Variants in PREPL observed in about 807,000 individuals in gnomAD.
PREPL encodes the protein prolyl endopeptidase-like.
A neutral mutation model predicts 70.6 loss-of-function variants in PREPL; 77 were observed. The ratio of observed to expected loss-of-function variants is 1.09; its 90% CI spans 0.91 to 1.32. The LOEUF (loss-of-function observed/expected upper bound fraction) is 1.32. Ranked by LOEUF, PREPL falls within the 40% of genes most tolerant of loss-of-function variation. The pLI, the probability that PREPL is intolerant of heterozygous loss-of-function variation, is 0.00. For synonymous variants in PREPL, 315 were observed against 264.8 expected, an observed-to-expected ratio of 1.19 and a Z score of -1.84; for missense variants, 1,002 against 778.2, an observed-to-expected ratio of 1.29 and a Z score of -3.42.
chr2:44,344,970 A>G (rs1441759666), intron 2 of PREPL, among the ~76,000 whole-genome samples: 1 of 152,214 alleles, frequency 6.6e-6, no homozygotes, highest in Non-Finnish European at 1.5e-5. Flanking sequence ...GATGCAGATG[A>G]GGAAACTGTG....
intron 1 of PREPL, among the ~76,000 whole-genome samples, chr2:44,352,950 G>T (rs1676607974): frequency 6.6e-6 from 1 of 152,162 alleles, no homozygotes. Context: ...ATAAGTGTAA[G>T]AAAAGATGCT....
intron 10 of PREPL, among the ~76,000 whole-genome samples, chr2:44,325,670 G>C (rs370828418): frequency 2.0e-4 from 31 of 152,042 alleles, no homozygotes; most frequent in African/African-American, 7.5e-4. Flanking sequence ...TTATCTTTGT[G>C]CATAGGCTAT....
chr2:44,321,129 G>A lies in PREPL; in HGVS notation c.*227C>T. On this transcript the variant is annotated 3_prime_UTR_variant, in exon 14 of 14. Coordinates refer to ENST00000409411, the MANE Select transcript of PREPL (RefSeq NM_001171613.2). ...CCTCTACTCCACATCCTTCTAAGGA[G>A]CATGATTTGAAAATTACTTTCCTAG... 1 of 510,072 alleles carries A rather than the reference G, an allele frequency of 2.0e-6. No homozygotes were observed. The highest frequency in any genetic ancestry group is 3.5e-6 in the Non-Finnish European group (1 of 281,784). 31.6% of individuals were successfully genotyped at this position (510,072 alleles called of 1,614,324 possible).
Position 44,318,055 on chromosome 2 carries a change from T to C in PREPL, c.*3301A>G. On this transcript the variant is annotated 3_prime_UTR_variant, in exon 14 of 14. Transcript: ENST00000409411. Reference sequence around the variant, plus strand: ...TTCCATTCCTAATACTTAGAAATATTTGCACATGTGCACAATAATACTTAA... The same window carrying C: ...TTCCATTCCTAATACTTAGAAATATCTGCACATGTGCACAATAATACTTAA... 2.3e-6 allele frequency: 1 copy of C among 427,812 alleles called. No individual in the cohort carries two copies. The highest frequency in any genetic ancestry group is 4.6e-6 in the Non-Finnish European group (1 of 216,000). The allele number at this position is 427,812 out of a possible 1,614,324, so 26.5% of individuals were successfully genotyped here. A position where few individuals can be genotyped will look rare whatever the true frequency, so the allele number is the denominator to read the frequency against.
At position 44,332,609 on chromosome 2, in the gene PREPL, T is replaced by C; in HGVS notation, c.936A>G (p.Pro312=). 1 of 1,613,968 alleles carries C rather than the reference T, an allele frequency of 6.2e-7. No homozygotes were observed. The highest frequency in any genetic ancestry group is 8.5e-7 in the Non-Finnish European group (1 of 1,179,844). ...AGCAAAGTTGAAAGGGGCAGTTCTT[T>C]GGGTCAGAATTTGTATCCATTATGA... ...CGFIMDTNSD[P]KNCPFQLCSP... The change falls in exon 8 of 14, where the codon CCA becomes CCG. Residue 312 remains proline, a synonymous_variant. Coordinates refer to ENST00000409411, the MANE Select transcript of PREPL (RefSeq NM_001171613.2).
intron 2 of PREPL, 58 bp downstream of exon 2, chr2:44,346,210 A>G: frequency 6.7e-7 from 1 of 1,482,274 alleles, no homozygotes; most frequent in Non-Finnish European, 9.3e-7. Context: ...CAAGTATCTC[A>G]TTTGCATCTT....
rs140823219 is a variant in PREPL, at chr2:44,343,913, C to T, written c.181G>A (p.Glu61Lys). The change falls in exon 4 of 14, where the codon GAA becomes AAA. Residue 61 changes from glutamate to lysine, a missense_variant. Transcript: ENST00000409411. ...ATGAAGGGCTGGTCTAACTTAAGTT[C>T]CTCCAAATTGAATAAAACTTCATAA... ...DNYEVLFNLE[E>K]LKLDQPFIDC... The T allele has an allele frequency of 6.2e-7, 1 of 1,613,960 alleles. No homozygotes were observed. Among genetic ancestry groups the T allele is most frequent in the Non-Finnish European group, 8.5e-7 (1 of 1,179,934 alleles).
Position 44,321,025 on chromosome 2 carries a change from G to C in PREPL, c.*331C>G. 1 of 387,284 alleles carries C rather than the reference G, an allele frequency of 2.6e-6. No homozygotes were observed. Among genetic ancestry groups the C allele is most frequent in the Non-Finnish European group, 4.7e-6 (1 of 211,552 alleles). The allele number at this position is 387,284 out of a possible 1,614,324, so 24.0% of individuals were successfully genotyped here. A position where few individuals can be genotyped will look rare whatever the true frequency, so the allele number is the denominator to read the frequency against. The stretch of plus-strand genomic sequence containing the variant: ...AAAAGCATTTGCTAGCAAAGAGGCA[G>C]GACACTAATTTGTAAACTGCTCAAC... On this transcript the variant is annotated 3_prime_UTR_variant, in exon 14 of 14. Transcript: ENST00000409411.
chr2:44,350,757 A>G (rs917892719), intron 1 of PREPL, among the ~76,000 whole-genome samples: 17 of 152,114 alleles, frequency 1.1e-4, no homozygotes, highest in African/African-American at 3.6e-4. Context: ...AGGTCACTCA[A>G]TGGCTACCAC....
chr2:44,318,110 T>G lies in PREPL; in HGVS notation c.*3246A>C, dbSNP rs1672585629. ...TCTCAACACTGTTTTTTTTTTTTTT[T>G]GAGACAGTCTTGCTCCGTCACCCAT... On this transcript the variant is annotated 3_prime_UTR_variant, in exon 14 of 14. Transcript: ENST00000409411. 1 of 419,808 alleles carries G rather than the reference T, an allele frequency of 2.4e-6. No individual in the cohort carries two copies. Among genetic ancestry groups the G allele is most frequent in the African/African-American group, 2.4e-5 (1 of 40,924 alleles). 26.0% of individuals were successfully genotyped at this position (419,808 alleles called of 1,614,324 possible).
intron 9 of PREPL, among the ~76,000 whole-genome samples, chr2:44,328,247 C>T (rs1333201290): frequency 4.3e-5 from 6 of 138,066 alleles, no homozygotes; most frequent in East Asian, 2.0e-4. Context: ...CCAGCCTGGG[C>T]GACAGAGCAA....
chr2:44,321,974 C>A, intron 12 of PREPL, 74 bp from the exon 13 acceptor site: 1 of 1,433,922 alleles, frequency 7.0e-7, no homozygotes. Flanking sequence ...CCCATTCCTC[C>A]CCTCTTCTTT....
Position 44,326,896 on chromosome 2 carries a change from G to A in PREPL, c.1295C>T (p.Ala432Val), listed in dbSNP as rs772222615. 3 of 1,614,034 alleles carry A rather than the reference G, an allele frequency of 1.9e-6. No homozygotes were observed. In the African/African-American group the frequency reaches 4.0e-5, roughly 22 times the overall value. Residue 432 changes from alanine (A) to valine (V), a missense_variant, in exon 10 of 14, where the codon GCT becomes GTT. Ala to Val is a moderately conservative substitution (Grantham distance 64). Coordinates refer to ENST00000409411, the MANE Select transcript of PREPL (RefSeq NM_001171613.2). ...GAGTTTTTTAGTTAGGCGGCCATCA[G>A]CGTGCCACTGGAGGCCTAACTCACC... is the stretch of plus-strand genomic sequence containing the variant. Reference protein sequence around the residue: ...GGGELGLQWHADGRLTKKLNG... With the variant: ...GGGELGLQWHVDGRLTKKLNG...
At position 44,348,779 on chromosome 2, in the gene PREPL, T is replaced by C. The variant is rs1676092061; in HGVS notation, c.-48-2389A>G. 2.0e-5 allele frequency among the ~76,000 whole-genome samples: 3 copies of C among 152,348 alleles called. No individual in the cohort carries two copies. The South Asian group carries it at 6.2e-4, about 32-fold the overall frequency. ...TTTCTAAGTAACTCTTCTAAAGGAA[T>C]TACTCCCATGGAAACTGAGGTTTTA... On this transcript the variant is annotated intron_variant, in intron 1 of 13. Coordinates refer to ENST00000409411, the MANE Select transcript of PREPL (RefSeq NM_001171613.2).
At chr2:44,329,440 C>A (rs769711975) in intron 8 of PREPL, among the ~76,000 whole-genome samples, 7 of 152,056 alleles carry the variant, frequency 4.6e-5, no homozygotes, top group Non-Finnish European at 8.8e-5. Flanking sequence ...CAGATGAAAC[C>A]AAAATACTTA....
chr2:44,358,162 A>C (rs1010634997), intron 1 of PREPL, among the ~76,000 whole-genome samples: 2 of 152,202 alleles, frequency 1.3e-5, no homozygotes, highest in Non-Finnish European at 2.9e-5. Flanking sequence ...AGTGTCCATC[A>C]ATTACAGGAA....
Position 44,320,334 on chromosome 2 carries a change from G to C in PREPL, c.*1022C>G, listed in dbSNP as rs1445718744. 1.9e-6 allele frequency: 3 copies of C among 1,614,124 alleles called. No individual in the cohort carries two copies. The highest frequency in any genetic ancestry group is 2.2e-5 in the East Asian group (1 of 44,876). On this transcript the variant is annotated 3_prime_UTR_variant, in exon 14 of 14. Coordinates refer to ENST00000409411, the MANE Select transcript of PREPL (RefSeq NM_001171613.2). ...CAGCCACTATGTTGTGTACACAAGAGAGCTGGATGGCATCGACAGAATCTT... is the reference window on the plus strand; with the variant it reads ...CAGCCACTATGTTGTGTACACAAGACAGCTGGATGGCATCGACAGAATCTT...
intron 5 of PREPL, among the ~76,000 whole-genome samples, chr2:44,341,416 T>G (rs1219740206): frequency 6.6e-6 from 1 of 152,122 alleles, no homozygotes; most frequent in Non-Finnish European, 1.5e-5. Context: ...CTTTATATGC[T>G]TTAATATATA....
Position 44,322,581 on chromosome 2 carries a change from T to C in PREPL, c.1753+150A>G, listed in dbSNP as rs1673083554. On this transcript the variant is annotated intron_variant, in intron 12 of 13. Coordinates refer to ENST00000409411, the MANE Select transcript of PREPL (RefSeq NM_001171613.2). ...TGTATAGACATGTAGTTACGTACAC[T>C]TTAACTGGGGAGTCAACATAGCAAA... The C allele has an allele frequency of 3.8e-6, 4 of 1,039,274 alleles. No individual in the cohort carries two copies. The East Asian group carries it at 9.7e-5, about 25-fold the overall frequency. The allele number at this position is 1,039,274 out of a possible 1,614,324, so 64.4% of individuals were successfully genotyped here.
Sources: gnomAD v4.1 joint callset for allele counts (sites outside exome capture counted in the v4.1 genomes callset) on GRCh38, gnomAD v4.1.1 for gene constraint, MANE v1.5 for transcripts, NCBI Gene and HGNC (gene_info 2026-07-23, HGNC 2026-07-21) for gene names.